The following IL7 variants were observed in gnomAD, a reference collection of about 807,000 sequenced individuals.
IL7 encodes the protein interleukin-7.
Under a neutral mutation model 21.6 loss-of-function variants are expected in IL7, and 3 were observed. The observed-to-expected ratio is 0.14, with a 90% CI of 0.06 to 0.36. IL7 has a LOEUF of 0.36. Ranked by LOEUF, IL7 falls within the 10% of genes least tolerant of loss-of-function variation. IL7 has a pLI of 1.00. For missense variants in IL7, 175 were observed against 200.2 expected, an observed-to-expected ratio of 0.87 and a Z score of 0.76; for synonymous variants, 62 against 68.1, an observed-to-expected ratio of 0.91 and a Z score of 0.44.
At chr8:78,721,310 T>G (rs982544656) in intron 4 of IL7, 1 of 152,032 alleles carries the variant, frequency 6.6e-6, no homozygotes, top group Admixed American at 6.6e-5. Context: ...GTGCCAATGC[T>G]TGGGAGGAAA....
chr8:78,696,486 C>T (rs1810419025), intron 3 of IL7, among the ~76,000 whole-genome samples: 1 of 152,180 alleles, frequency 6.6e-6, no homozygotes, highest in African/African-American at 2.4e-5. Context: ...TGGGGCATAA[C>T]CCTGGGCAAG....
rs540957178 is a variant in IL7 at position 78,709,738 on chromosome 8, T to G, written n.214+11610A>C. ...ATGAACTAAAAAAAAAAAAAAAAAT[T>G]TCATAATGTTTTAAGAAAGTTTACG... On this transcript the variant is annotated intron_variant and non_coding_transcript_variant, in intron 3 of 4. Transcript: ENST00000523959. 1.3e-4 allele frequency among the ~76,000 whole-genome samples: 20 copies of G among 151,980 alleles called. No individual in the cohort carries two copies. In the South Asian group the frequency reaches 4.2e-3, roughly 32 times the overall value.
chr8:78,690,813 G>C (rs188118863), intron 3 of IL7, among the ~76,000 whole-genome samples: 17 of 152,182 alleles, frequency 1.1e-4, no homozygotes, highest in Non-Finnish European at 2.4e-4. Context: ...CACATGTTTT[G>C]TTAGATTTTC....
chr8:78,799,759 C>T (rs928389599), intron 1 of IL7, among the ~76,000 whole-genome samples: 1 of 151,998 alleles, frequency 6.6e-6, no homozygotes. Flanking sequence ...TGTTGCTTTA[C>T]CAGGATTCGA....
intron 5 of IL7, among the ~76,000 whole-genome samples, chr8:78,734,656 G>A (rs1811512289): frequency 6.6e-6 from 1 of 152,098 alleles, no homozygotes; most frequent in South Asian, 2.1e-4. Flanking sequence ...ACAATCACTA[G>A]CAAGTAAATG....
downstream of IL7, among the ~76,000 whole-genome samples, chr8:78,728,392 A>G (rs1811369892): frequency 6.6e-6 from 1 of 152,044 alleles, no homozygotes; most frequent in Non-Finnish European, 1.5e-5. Context: ...AGCCATAGTA[A>G]TCAAAACTGT....
chr8:78,717,371 A>G (rs779146262), downstream of IL7: 23 of 1,613,666 alleles, frequency 1.4e-5, no homozygotes, highest in Non-Finnish European at 1.9e-5. Context: ...TGGAAATATT[A>G]AAGGCATTGA....
chr8:78,760,571 G>T (rs935402265), intron 2 of IL7: 3 of 1,553,230 alleles, frequency 1.9e-6, no homozygotes, highest in Non-Finnish European at 2.6e-6. Flanking sequence ...TTCCTCCAAA[G>T]TATTGAATTT....
chr8:78,800,882 A>G lies in IL7; in HGVS notation c.11-2674T>C, dbSNP rs138135912. On this transcript the variant is annotated intron_variant, in intron 1 of 5. Transcript: ENST00000263851. ...GGATACTTTTACCATTATCATAAAT[A>G]TTCCAAAGGTCCACCTTTTGTTTTA... Among the ~76,000 whole-genome samples, 1,137 of 152,312 alleles carry G rather than the reference A, an allele frequency of 7.5e-3. 16 individuals carry two copies. Among genetic ancestry groups the G allele is most frequent in the African/African-American group, 0.025 (1,051 of 41,572 alleles).
At chr8:78,797,956 T>C (rs1224264349) in intron 2 of IL7, 116 bp downstream of exon 2, 3 of 708,458 alleles carry the variant, frequency 4.2e-6, no homozygotes, top group South Asian at 2.5e-5. Context: ...TTTTATTCTA[T>C]AGTTACTTCA....
At chr8:78,699,829 A>G (rs546977574) in intron 3 of IL7, among the ~76,000 whole-genome samples, 32 of 152,230 alleles carry the variant, frequency 2.1e-4, no homozygotes, top group African/African-American at 7.2e-4. Flanking sequence ...ATAGTATTCC[A>G]TGGTGTTTAT....
intron 3 of IL7, among the ~76,000 whole-genome samples, chr8:78,702,795 CTAATT>C (rs1810648081): frequency 6.6e-6 from 1 of 152,084 alleles, no homozygotes; most frequent in Admixed American, 6.5e-5. Flanking sequence ...ATCTTGATTT[CTAATT>C]TAATTGTTCT....
At chr8:78,796,453 A>G (rs1438049505) in intron 2 of IL7, among the ~76,000 whole-genome samples, 4 of 152,016 alleles carry the variant, frequency 2.6e-5, no homozygotes. Context: ...TTACACACAT[A>G]TAATTATTTA....
chr8:78,693,554 C>A (rs1204334993), intron 3 of IL7, among the ~76,000 whole-genome samples: 1 of 151,956 alleles, frequency 6.6e-6, no homozygotes, highest in Non-Finnish European at 1.5e-5. Flanking sequence ...CTGTTCATAT[C>A]CTTTGCCCAC....
intron 2 of IL7, 87 bp from the exon 3 acceptor site, chr8:78,740,169 T>C: frequency 1.3e-6 from 1 of 774,278 alleles, no homozygotes; most frequent in Middle Eastern, 4.7e-4. Flanking sequence ...TCTTATAATA[T>C]CTGATATTTA....
At chr8:78,679,797 A>G (rs950462719) in intron 4 of IL7, among the ~76,000 whole-genome samples, 1 of 152,246 alleles carries the variant, frequency 6.6e-6, no homozygotes, top group South Asian at 2.1e-4. Context: ...ATTTGATGAT[A>G]GAAAAATTAG....
chr8:78,765,546 A>C (rs1053675512), intron 2 of IL7, among the ~76,000 whole-genome samples: 1 of 152,154 alleles, frequency 6.6e-6, no homozygotes, highest in Admixed American at 6.5e-5. Flanking sequence ...CTCAGCAAAG[A>C]AGATACACAG....
intron 2 of IL7, among the ~76,000 whole-genome samples, chr8:78,774,467 CTAAT>C (rs1312861190): frequency 1.3e-5 from 2 of 152,112 alleles, no homozygotes; most frequent in Admixed American, 6.6e-5. Context: ...ACATATACTA[CTAAT>C]TAACAACTGT....
intron 3 of IL7, among the ~76,000 whole-genome samples, chr8:78,688,351 A>T (rs1344759520): frequency 6.6e-6 from 1 of 152,136 alleles, no homozygotes; most frequent in Non-Finnish European, 1.5e-5. Flanking sequence ...GGGCCTGACA[A>T]AAACAGCTTA....
Sources: gnomAD v4.1 joint callset for allele counts (sites outside exome capture counted in the v4.1 genomes callset) on GRCh38, gnomAD v4.1.1 for gene constraint, MANE v1.5 for transcripts, NCBI Gene and HGNC (gene_info 2026-07-23, HGNC 2026-07-21) for gene names.